Variants in PRKAG2 observed in about 807,000 individuals in gnomAD.
The protein encoded by PRKAG2 is protein kinase AMP-activated non-catalytic subunit gamma 2.
In PRKAG2, 26 loss-of-function variants were observed where a neutral mutation model predicts 69.6. The observed-to-expected ratio is 0.37, with a 90% CI of 0.27 to 0.52. The LOEUF is 0.52. Ranked by LOEUF, PRKAG2 falls within the 20% of genes least tolerant of loss-of-function variation. The pLI, the probability that PRKAG2 is intolerant of heterozygous loss-of-function variation, is 0.90. For synonymous variants in PRKAG2, 293 were observed against 285.0 expected (o/e 1.03, Z -0.28); for missense variants, 557 against 740.0 (o/e 0.75, Z 2.87).
rs559687795 is a variant in PRKAG2 at position 151,584,069 on chromosome 7, C to T, written c.865-7617G>A. ...CAAGAAGGGTCCAGCTTCTGAAATA[C>T]GGTCGTCGAGACTCTTCTCCGTCCA... On this transcript the variant is annotated intron_variant, in intron 6 of 15. Coordinates refer to ENST00000287878, the MANE Select transcript of PRKAG2 (RefSeq NM_016203.4). 6.6e-4 allele frequency among the ~76,000 whole-genome samples: 101 copies of T among 152,314 alleles called. 1 individual carries two copies. The Middle Eastern group carries it at 0.02, about 31-fold the overall frequency.
intron 1 of PRKAG2, among the ~76,000 whole-genome samples, chr7:151,803,602 C>A (rs1303061318): frequency 6.6e-6 from 1 of 152,080 alleles, no homozygotes; most frequent in African/African-American, 2.4e-5. Context: ...CATTTTAATG[C>A]CTAAGAATTT....
Position 151,773,331 on chromosome 7 carries a change from G to A in PRKAG2, c.466+7821C>T, listed in dbSNP as rs1237396997. ...TCTATTTTTTCGTAAATGGCTAGCT[G>A]GCTATCCCATTATTGGTTTATAGAT... On this transcript the variant is annotated intron_variant, in intron 3 of 15. Coordinates refer to ENST00000287878, the MANE Select transcript of PRKAG2 (RefSeq NM_016203.4). Among the ~76,000 whole-genome samples the A allele has an allele frequency of 3.3e-5, 5 of 152,164 alleles. 1 individual carries two copies. The highest frequency in any genetic ancestry group is 7.3e-5 in the Non-Finnish European group (5 of 68,030).
At chr7:151,818,334 G>C (rs1461814538) in intron 1 of PRKAG2, among the ~76,000 whole-genome samples, 1 of 151,432 alleles carries the variant, frequency 6.6e-6, no homozygotes, top group African/African-American at 2.4e-5. Flanking sequence ...ACAGACCTGG[G>C]TTAGATTTCT....
At position 151,814,260 on chromosome 7, in the gene PRKAG2, T is replaced by C. The variant is rs556568785; in HGVS notation, c.115-27719A>G. Reference sequence around the variant, plus strand: ...AGGAACATTTTGCTCAGCCTTGGGGTATCTGATTTAATAAGAGGCTCTTGG... The same window carrying C: ...AGGAACATTTTGCTCAGCCTTGGGGCATCTGATTTAATAAGAGGCTCTTGG... On this transcript the variant is annotated intron_variant, in intron 1 of 15. Coordinates refer to ENST00000287878, the MANE Select transcript of PRKAG2 (RefSeq NM_016203.4). The surrounding 1 kb of genome is among the most constrained non-coding windows in gnomAD (Gnocchi z 4.8). Among the ~76,000 whole-genome samples the C allele has an allele frequency of 2.0e-5, 3 of 152,056 alleles. No individual in the cohort carries two copies. In the South Asian group the frequency reaches 6.2e-4, roughly 32 times the overall value.
chr7:151,705,174 C>T (rs1838377395), intron 3 of PRKAG2, among the ~76,000 whole-genome samples: 1 of 152,168 alleles, frequency 6.6e-6, no homozygotes, highest in South Asian at 2.1e-4. Context: ...GGCCTGGTGT[C>T]TGAAACGTAC....
intron 3 of PRKAG2, among the ~76,000 whole-genome samples, chr7:151,738,900 A>C (rs2073667127): frequency 6.6e-6 from 1 of 152,138 alleles, no homozygotes; most frequent in South Asian, 2.1e-4. Flanking sequence ...CAGATGCCTG[A>C]TGAGATAAAG....
At position 151,675,510 on chromosome 7, in the gene PRKAG2, C is replaced by CG. The variant is rs397517275; in HGVS notation, c.593dup (p.Asp199GlyfsTer74). On this transcript the variant is annotated frameshift_variant, in exon 4 of 16. Coordinates refer to ENST00000287878, the MANE Select transcript of PRKAG2 (RefSeq NM_016203.4). LOFTEE classifies it high-confidence loss of function. ...ACGGGCAGAACCTCTGCCCTGTGTC[C>CG]GGGGGGGAAGACGAGGCATAGATGC... 15 of 1,614,034 alleles carry CG rather than the reference C, an allele frequency of 9.3e-6. No homozygotes were observed. Among genetic ancestry groups the CG allele is most frequent in the Non-Finnish European group, 1.3e-5 (15 of 1,179,984 alleles).
Position 151,847,436 on chromosome 7 carries a change from TC to T in PRKAG2, c.114+29070del, listed in dbSNP as rs201957628. On this transcript the variant is annotated intron_variant, in intron 1 of 15. Coordinates refer to ENST00000287878, the MANE Select transcript of PRKAG2 (RefSeq NM_016203.4). ...GCTCTGTTCCTTTTCTCAAGCCACA[TC>T]CTCACGGACGCTGGCCTTGAGCTCT... is the stretch of plus-strand genomic sequence containing the variant. Among the ~76,000 whole-genome samples the T allele has an allele frequency of 4.1e-3, 624 of 152,234 alleles. 2 individuals carry two copies. The highest frequency in any genetic ancestry group is 0.014 in the African/African-American group (580 of 41,536).
rs561686276 is a variant in PRKAG2 at position 151,679,574 on chromosome 7, G to C, written c.467-3937C>G. Among the ~76,000 whole-genome samples the C allele has an allele frequency of 3.3e-5, 5 of 152,258 alleles. 1 individual carries two copies. The highest frequency in any genetic ancestry group is 9.6e-5 in the African/African-American group (4 of 41,554). ...GATGGGGCAGAGCTGAATAGGATGTGGTGGGGGGCGTTTTAGGTTCAAAAA... is the reference window on the plus strand; with the variant it reads ...GATGGGGCAGAGCTGAATAGGATGTCGTGGGGGGCGTTTTAGGTTCAAAAA... On this transcript the variant is annotated intron_variant, in intron 3 of 15. Coordinates refer to ENST00000287878, the MANE Select transcript of PRKAG2 (RefSeq NM_016203.4).
intron 3 of PRKAG2, among the ~76,000 whole-genome samples, chr7:151,681,961 C>T (rs953354831): frequency 3.3e-5 from 5 of 152,230 alleles, no homozygotes; most frequent in Admixed American, 2.0e-4. Context: ...GGCACAGAGA[C>T]GGAGTGAGCT....
chr7:151,632,468 G>T lies in PRKAG2; in HGVS notation c.685-330C>A. 2.7e-6 allele frequency: 2 copies of T among 729,946 alleles called. No homozygotes were observed. Among genetic ancestry groups the T allele is most frequent in the Non-Finnish European group, 3.3e-6 (2 of 597,148 alleles). The allele number at this position is 729,946 out of a possible 1,614,324, so 45.2% of individuals were successfully genotyped here. On this transcript the variant is annotated intron_variant, in intron 4 of 15. Coordinates refer to ENST00000287878, the MANE Select transcript of PRKAG2 (RefSeq NM_016203.4). This position sits in a 1 kb window ranked among gnomAD's most constrained non-coding sequence, Gnocchi z 4.2. ...GGAGCTCGAGGGCGGCAGCGCCTGG[G>T]CCCGGGGCGCCCCCCTCCGGCCGTG...
intron 3 of PRKAG2, among the ~76,000 whole-genome samples, chr7:151,681,960 A>T (rs1833951475): frequency 1.3e-5 from 2 of 152,160 alleles, no homozygotes; most frequent in Admixed American, 1.3e-4. Flanking sequence ...GGGCACAGAG[A>T]CGGAGTGAGC....
chr7:151,576,094 C>T (rs1808870451), intron 7 of PRKAG2: 1 of 439,482 alleles, frequency 2.3e-6, no homozygotes, highest in Admixed American at 3.5e-5. Flanking sequence ...ACCTCAGCCT[C>T]CTGAGTAGCT....
chr7:151,566,641 A>G (rs1455369267), intron 11 of PRKAG2: 4 of 440,800 alleles, frequency 9.1e-6, no homozygotes, highest in Admixed American at 7.9e-5. Flanking sequence ...AAGATGAACA[A>G]TTAGAAGAAA....
chr7:151,582,131 G>A (rs1810626514), intron 6 of PRKAG2, among the ~76,000 whole-genome samples: 1 of 152,120 alleles, frequency 6.6e-6, no homozygotes, highest in Admixed American at 6.6e-5. Flanking sequence ...GACAGTATCG[G>A]TCCAACAGAG....
At chr7:151,703,850 AC>A (rs2151578340) in intron 3 of PRKAG2, among the ~76,000 whole-genome samples, 1 of 32,102 alleles carries the variant, frequency 3.1e-5, no homozygotes, top group Admixed American at 4.0e-4. Context: ...TGGAAAACAC[AC>A]ACACACACAC....
At chr7:151,578,719 C>T (rs1585016780) in intron 6 of PRKAG2, among the ~76,000 whole-genome samples, 1 of 152,170 alleles carries the variant, frequency 6.6e-6, no homozygotes, top group African/African-American at 2.4e-5. Context: ...AGTAACTGAG[C>T]AGCATCCAGA....
At chr7:151,597,515 CA>C (rs1814846523) in intron 5 of PRKAG2, among the ~76,000 whole-genome samples, 1 of 152,052 alleles carries the variant, frequency 6.6e-6, no homozygotes. Context: ...AAAATATTTG[CA>C]AACTATACAT....
chr7:151,702,193 T>C (rs1420712146), intron 3 of PRKAG2, among the ~76,000 whole-genome samples: 1 of 152,222 alleles, frequency 6.6e-6, no homozygotes, highest in Non-Finnish European at 1.5e-5. Flanking sequence ...TGCAGAATGC[T>C]TTCTAAGAAA....
Sources: gnomAD v4.1 joint callset for allele counts (sites outside exome capture counted in the v4.1 genomes callset) on GRCh38, gnomAD v4.1.1 for gene constraint, Gnocchi (gnomAD v3.1) non-coding constraint, MANE v1.5 for transcripts, NCBI Gene and HGNC (gene_info 2026-07-23, HGNC 2026-07-21) for gene names.